The following LAMA2 variants were observed in gnomAD, a reference collection of about 807,000 sequenced individuals.
LAMA2 encodes laminin subunit alpha-2.
LAMA2 carries 269 observed loss-of-function variants against 364.8 expected under a neutral mutation model. The ratio of observed to expected loss-of-function variants is 0.74; its 90% CI spans 0.67 to 0.82. The LOEUF (loss-of-function observed/expected upper bound fraction) is 0.82. LAMA2 is among the 40% of genes least tolerant of loss of function. The pLI is 0.00. For synonymous variants in LAMA2, 1,379 were observed against 1,370.6 expected, an observed-to-expected ratio of 1.01 and a Z score of -0.14; for missense variants, 3,807 against 3,873.2, an observed-to-expected ratio of 0.98 and a Z score of 0.45.
chr6:129,025,938 T>G (rs2114723897), intron 1 of LAMA2, among the ~76,000 whole-genome samples: 1 of 152,310 alleles, frequency 6.6e-6, no homozygotes, highest in Admixed American at 6.5e-5. Flanking sequence ...AACGTATTTG[T>G]TGTGCACAGA....
chr6:128,987,140 G>GTTTTTTTTTTTTT (rs764115716), intron 1 of LAMA2, among the ~76,000 whole-genome samples: 1 of 121,358 alleles, frequency 8.2e-6, no homozygotes, highest in Non-Finnish European at 1.7e-5. Flanking sequence ...TTTTTTTTTT[G>GTTTTTTTTTTTTT]TTTTTTTTTT....
intron 62 of LAMA2, among the ~76,000 whole-genome samples, chr6:129,508,237 T>C (rs1333158293): frequency 4.3e-5 from 1 of 23,328 alleles, no homozygotes; most frequent in Non-Finnish European, 1.6e-4. Context: ...CTTTAATTTT[T>C]AATTTTTGTG....
chr6:129,045,369 A>C (rs1787402867), intron 1 of LAMA2, among the ~76,000 whole-genome samples: 1 of 152,322 alleles, frequency 6.6e-6, no homozygotes. Flanking sequence ...TTAAAGATTT[A>C]AATAAGCTTT....
At chr6:129,170,318 C>A (rs969539848) in intron 9 of LAMA2, among the ~76,000 whole-genome samples, 1 of 147,070 alleles carries the variant, frequency 6.8e-6, no homozygotes, top group Non-Finnish European at 1.5e-5. Context: ...AAATTTCCCT[C>A]TACACACTGC....
intron 9 of LAMA2, among the ~76,000 whole-genome samples, chr6:129,166,875 G>A (rs1349156580): frequency 6.6e-6 from 1 of 152,094 alleles, no homozygotes; most frequent in African/African-American, 2.4e-5. Flanking sequence ...TTTCTCTGAA[G>A]TCTGGCTTCA....
chr6:129,225,542 C>G (rs1244815607), intron 12 of LAMA2, among the ~76,000 whole-genome samples: 1 of 152,092 alleles, frequency 6.6e-6, no homozygotes, highest in East Asian at 1.9e-4. Flanking sequence ...TATCTTTGTT[C>G]TCATTAGTTT....
chr6:129,298,277 AG>A (rs1316096631), intron 21 of LAMA2, among the ~76,000 whole-genome samples: 2 of 152,264 alleles, frequency 1.3e-5, no homozygotes, highest in Admixed American at 6.5e-5. Flanking sequence ...GATCAAGAAA[AG>A]TCAAGGTGTT....
intron 12 of LAMA2, among the ~76,000 whole-genome samples, chr6:129,234,482 G>GA (rs1554253539): frequency 6.6e-6 from 1 of 151,948 alleles, no homozygotes; most frequent in Admixed American, 6.6e-5. Flanking sequence ...GAAGTAAGTT[G>GA]AAAAAAGAAT....
chr6:129,098,219 G>A lies in LAMA2; in HGVS notation c.443G>A (p.Arg148Gln), dbSNP rs148103319. 1.2e-5 allele frequency: 19 copies of A among 1,613,880 alleles called. No homozygotes were observed. Among genetic ancestry groups the A allele is most frequent in the Non-Finnish European group, 1.6e-5 (19 of 1,179,982 alleles). The stretch of plus-strand genomic sequence containing the variant: ...ATTGTGAAGGCAGCTAACTCCCCCC[G>A]GCCTGGAAACTGGATTTTGGAACGC... ...YVIVKAANSP[R>Q]PGNWILERSL... The change falls in exon 4 of 65, where the codon CGG (arginine) becomes CAG (glutamine). Residue 148 changes from arginine to glutamine, a missense_variant. Physicochemically the swap from Arg to Gln is conservative, Grantham distance 43 (BLOSUM62 1). Around this residue, in one of 3 missense-constraint regions of LAMA2, gnomAD observed 394 missense variants for 403.5 expected, o/e 0.98. Coordinates refer to ENST00000421865, the MANE Select transcript of LAMA2 (RefSeq NM_000426.4).
chr6:128,892,432 T>C (rs1582613789), intron 1 of LAMA2, among the ~76,000 whole-genome samples: 1 of 152,070 alleles, frequency 6.6e-6, no homozygotes, highest in African/African-American at 2.4e-5. Context: ...AGGAATCTCA[T>C]TGTTGAATAT....
chr6:129,043,688 T>A (rs942601411), intron 1 of LAMA2, among the ~76,000 whole-genome samples: 1 of 152,188 alleles, frequency 6.6e-6, no homozygotes, highest in Non-Finnish European at 1.5e-5. Flanking sequence ...CTAGTATTTT[T>A]TTTTAATTGC....
At chr6:129,249,428 A>T (rs2114273502) in intron 12 of LAMA2, among the ~76,000 whole-genome samples, 1 of 152,318 alleles carries the variant, frequency 6.6e-6, no homozygotes, top group South Asian at 2.1e-4. Context: ...ATGTCAGAAA[A>T]TGTAAACCTC....
chr6:129,259,269 T>C (rs1410961189), intron 14 of LAMA2, among the ~76,000 whole-genome samples: 1 of 152,128 alleles, frequency 6.6e-6, no homozygotes, highest in Non-Finnish European at 1.5e-5. Context: ...TTAGCTTTGC[T>C]CTCTGGCTTG....
At chr6:128,919,826 G>T (rs1310674831) in intron 1 of LAMA2, among the ~76,000 whole-genome samples, 1 of 152,138 alleles carries the variant, frequency 6.6e-6, no homozygotes, top group Admixed American at 6.5e-5. Flanking sequence ...ATCCCAGTTA[G>T]TCTCTGACAG....
At chr6:129,300,672 A>T in intron 21 of LAMA2, 64 bp from the exon 22 acceptor site, 1 of 1,535,416 alleles carries the variant, frequency 6.5e-7, no homozygotes, top group Non-Finnish European at 9.0e-7. Flanking sequence ...TATAAAACTC[A>T]ACACTTTGTG....
intron 1 of LAMA2, among the ~76,000 whole-genome samples, chr6:129,045,154 A>T (rs7771364): frequency 0.33 from 50,906 of 152,032 alleles, 9,917 homozygotes; most frequent in African/African-American, 0.54. Context: ...AAATTTCATA[A>T]AGCAACTATT....
intron 12 of LAMA2, among the ~76,000 whole-genome samples, chr6:129,207,121 A>G (rs1340324146): frequency 1.3e-5 from 2 of 152,230 alleles, no homozygotes; most frequent in Non-Finnish European, 2.9e-5. Flanking sequence ...ATGACTAGAC[A>G]CAGATGATTG....
intron 12 of LAMA2, among the ~76,000 whole-genome samples, chr6:129,223,523 G>A (rs982283248): frequency 7.2e-5 from 11 of 152,236 alleles, no homozygotes; most frequent in Admixed American, 4.6e-4. Flanking sequence ...TTTTGTATAA[G>A]GTGTAAGGAA....
At chr6:129,391,745 A>C in intron 36 of LAMA2, 92 bp downstream of exon 36, 2 of 1,106,416 alleles carry the variant, frequency 1.8e-6, no homozygotes, top group Non-Finnish European at 2.7e-6. Context: ...GTATAAGTAA[A>C]AGATGCTTTG....
Sources: gnomAD v4.1 joint callset for allele counts (sites outside exome capture counted in the v4.1 genomes callset) on GRCh38, gnomAD v4.1.1 for gene constraint, gnomAD v4.1.1 regional missense constraint, MANE v1.5 for transcripts, NCBI Gene and HGNC (gene_info 2026-07-23, HGNC 2026-07-21) for gene names.